Variants in BCAR3 observed in about 807,000 individuals in gnomAD.
BCAR3 encodes breast cancer anti-estrogen resistance protein 3.
In BCAR3, 37 loss-of-function variants were observed where a neutral mutation model predicts 80.1. That is an observed-to-expected ratio of 0.46 (90% confidence interval 0.36 to 0.61). The LOEUF is 0.61. Among genes scored for constraint, BCAR3 ranks in the 20% least tolerant of loss-of-function variants. The pLI is 0.00. For missense variants in BCAR3, 978 were observed against 1,068.2 expected (o/e 0.92, Z 1.18); for synonymous variants, 389 against 418.9 (o/e 0.93, Z 0.87).
At chr1:93,767,346 A>T (rs1408982830) in intron 2 of BCAR3, among the ~76,000 whole-genome samples, 3 of 152,066 alleles carry the variant, frequency 2.0e-5, no homozygotes, top group Non-Finnish European at 4.4e-5. Flanking sequence ...AACATGTTGA[A>T]ATTCCATCTC....
intron 2 of BCAR3, among the ~76,000 whole-genome samples, chr1:93,718,680 T>C (rs1650273857): frequency 7.1e-6 from 1 of 141,364 alleles, no homozygotes; most frequent in African/African-American, 2.6e-5. Flanking sequence ...CTGAACTACA[T>C]TGTTTTTCTT....
chr1:93,801,679 G>T lies in BCAR3; in HGVS notation c.-63+43888C>A, dbSNP rs181842299. Among the ~76,000 whole-genome samples the T allele has an allele frequency of 1.9e-3, 285 of 152,310 alleles. 5 individuals carry two copies. Among genetic ancestry groups the T allele is most frequent in the Admixed American group, 0.016 (252 of 15,298 alleles). On this transcript the variant is annotated intron_variant, in intron 2 of 13. Transcript: ENST00000370244. ...TTTGTTTATGAAGACAGTTTCTCAG[G>T]CTGGGTGTGGTGGCTCACGCCTATA...
chr1:93,684,221 G>C (rs1648896603), upstream of BCAR3, among the ~76,000 whole-genome samples: 1 of 152,178 alleles, frequency 6.6e-6, no homozygotes, highest in Non-Finnish European at 1.5e-5. Context: ...CTGTTGCTCT[G>C]AGGTGTCACT....
chr1:93,681,506 CT>C (rs1268315221), intron 1 of BCAR3, 91 bp downstream of exon 1: 1 of 152,170 alleles, frequency 6.6e-6, no homozygotes, highest in African/African-American at 2.4e-5. Flanking sequence ...GTCCAACAAA[CT>C]TCCTAGCGTG....
intron 2 of BCAR3, among the ~76,000 whole-genome samples, chr1:93,750,266 G>A (rs1294191152): frequency 2.0e-5 from 3 of 152,142 alleles, no homozygotes; most frequent in African/African-American, 2.4e-5. Flanking sequence ...AGGCACCAGC[G>A]AGGGCATCTT....
intron 7 of BCAR3, among the ~76,000 whole-genome samples, chr1:93,578,750 G>A (rs1260873507): frequency 6.6e-6 from 1 of 151,626 alleles, no homozygotes; most frequent in Non-Finnish European, 1.5e-5. Flanking sequence ...CCTGATAGCA[G>A]GTGCTCCAAG....
rs559236826 is a variant in BCAR3 at position 93,725,180 on chromosome 1, C to T, written c.-62-19038G>A. ...GCTCACAGAGGCAGAGACCCCGTCT[C>T]CTTTATTCAGCAATACATCCCAAGC... is the stretch of plus-strand genomic sequence containing the variant. On this transcript the variant is annotated intron_variant, in intron 2 of 13. Coordinates refer to the BCAR3 transcript ENST00000370244. 2.6e-5 allele frequency among the ~76,000 whole-genome samples: 4 copies of T among 152,328 alleles called. No individual in the cohort carries two copies. The South Asian group carries it at 8.3e-4, about 32-fold the overall frequency.
At chr1:93,702,529 T>C (rs114295237) in intron 3 of BCAR3, among the ~76,000 whole-genome samples, 4,269 of 151,856 alleles carry the variant, frequency 0.028, 86 homozygotes, top group Non-Finnish European at 0.044. Flanking sequence ...GCTCATGGAG[T>C]TCCTGGGCTC....
At chr1:93,564,700 G>T (rs1183094887) in intron 11 of BCAR3, among the ~76,000 whole-genome samples, 2 of 152,166 alleles carry the variant, frequency 1.3e-5, no homozygotes, top group African/African-American at 4.8e-5. Context: ...TATGGTATGA[G>T]GTAAGGATCG....
rs79430987 is a variant in BCAR3, at chr1:93,639,178, G to A, written c.357+3126C>T. On this transcript the variant is annotated intron_variant, in intron 3 of 11. Coordinates refer to ENST00000260502, the MANE Select transcript of BCAR3 (RefSeq NM_003567.4). ...ATGAACGACCGGTAGCTAAGCAACCGAGAAACCGGTCCCCTTTCACCTGGC... is the reference window on the plus strand; with the variant it reads ...ATGAACGACCGGTAGCTAAGCAACCAAGAAACCGGTCCCCTTTCACCTGGC... Among the ~76,000 whole-genome samples the A allele has an allele frequency of 1.2e-3, 188 of 152,222 alleles. 1 individual carries two copies. Among genetic ancestry groups the A allele is most frequent in the African/African-American group, 4.4e-3 (182 of 41,540 alleles).
chr1:93,756,498 T>C (rs903876905), intron 2 of BCAR3, among the ~76,000 whole-genome samples: 1 of 152,246 alleles, frequency 6.6e-6, no homozygotes, highest in African/African-American at 2.4e-5. Context: ...TTATACAAGT[T>C]CTTGTAAATT....
chr1:93,669,031 C>A (rs532946633), intron 2 of BCAR3, among the ~76,000 whole-genome samples: 18 of 151,894 alleles, frequency 1.2e-4, no homozygotes, highest in African/African-American at 3.9e-4. Context: ...TTTTTTTTAA[C>A]TCAAAATCCA....
intron 2 of BCAR3, among the ~76,000 whole-genome samples, chr1:93,843,253 T>C (rs1655027293): frequency 6.6e-6 from 1 of 152,092 alleles, no homozygotes; most frequent in Non-Finnish European, 1.5e-5. Context: ...TACAGCTGAG[T>C]AGGAGTGGGG....
At chr1:93,588,175 G>A (rs1175276955) in intron 5 of BCAR3, among the ~76,000 whole-genome samples, 1 of 152,136 alleles carries the variant, frequency 6.6e-6, no homozygotes, top group Non-Finnish European at 1.5e-5. Context: ...CTGCTGGACT[G>A]TGGCACTCAA....
chr1:93,698,947 C>A (rs1165065142), intron 3 of BCAR3, among the ~76,000 whole-genome samples: 2 of 152,212 alleles, frequency 1.3e-5, no homozygotes, highest in East Asian at 3.8e-4. Flanking sequence ...GGGAATCGTG[C>A]CTCCTGCTTT....
chr1:93,643,954 A>G (rs1323478903), intron 2 of BCAR3, among the ~76,000 whole-genome samples: 3 of 152,120 alleles, frequency 2.0e-5, no homozygotes, highest in Admixed American at 2.0e-4. Flanking sequence ...CCAAATTCCT[A>G]TCTAAGGGGT....
chr1:93,742,540 T>G (rs1651213104), intron 2 of BCAR3, among the ~76,000 whole-genome samples: 2 of 152,230 alleles, frequency 1.3e-5, no homozygotes, highest in African/African-American at 4.8e-5. Flanking sequence ...CCAGGTTCCA[T>G]TTTCTCTAAT....
chr1:93,773,521 C>A (rs868422830), intron 2 of BCAR3, among the ~76,000 whole-genome samples: 3 of 152,182 alleles, frequency 2.0e-5, no homozygotes, highest in Non-Finnish European at 4.4e-5. Flanking sequence ...GGGTCCTAAT[C>A]CACTTGATCT....
chr1:93,574,600 A>AAAT (rs1673371741), intron 8 of BCAR3, among the ~76,000 whole-genome samples: 1 of 152,212 alleles, frequency 6.6e-6, no homozygotes, highest in South Asian at 2.1e-4. Context: ...GATACTAAGA[A>AAAT]AATAGGGCTC....
Sources: gnomAD v4.1 joint callset for allele counts (sites outside exome capture counted in the v4.1 genomes callset) on GRCh38, gnomAD v4.1.1 for gene constraint, MANE v1.5 for transcripts, NCBI Gene and HGNC (gene_info 2026-07-23, HGNC 2026-07-21) for gene names.